Variants in DCHS2 observed in about 807,000 individuals in gnomAD.
The protein encoded by DCHS2 is protocadherin-23.
DCHS2 carries 142 observed loss-of-function variants against 182.4 expected under a neutral mutation model. That is an observed-to-expected ratio of 0.78 (90% CI 0.68 to 0.89). The LOEUF (loss-of-function observed/expected upper bound fraction) is 0.89. DCHS2 is among the 40% of genes least tolerant of loss of function. The pLI is 0.00. For missense variants in DCHS2, 4,319 were observed against 4,198.6 expected, an observed-to-expected ratio of 1.03 and a Z score of -0.79; for synonymous variants, 1,740 against 1,663.3, an observed-to-expected ratio of 1.05 and a Z score of -1.12.
chr4:154,430,152 A>G (rs1733498844), intron 1 of DCHS2, among the ~76,000 whole-genome samples: 1 of 152,214 alleles, frequency 6.6e-6, no homozygotes. Context: ...ATATTCCATA[A>G]GTAGAAAAGA....
intron 3 of DCHS2, among the ~76,000 whole-genome samples, chr4:154,359,371 A>G (rs1263446375): frequency 2.6e-5 from 4 of 152,032 alleles, no homozygotes; most frequent in Non-Finnish European, 5.9e-5. Context: ...ACTAAGCAAT[A>G]CTGACTTTCA....
chr4:154,244,555 T>C (rs1240293249), intron 16 of DCHS2, among the ~76,000 whole-genome samples: 1 of 152,224 alleles, frequency 6.6e-6, no homozygotes, highest in African/African-American at 2.4e-5. Flanking sequence ...TCAAAGTTGA[T>C]ACACTTTCAC....
intron 13 of DCHS2, among the ~76,000 whole-genome samples, chr4:154,279,251 A>T (rs968738927): frequency 1.4e-5 from 2 of 146,030 alleles, no homozygotes; most frequent in Non-Finnish European, 2.9e-5. Flanking sequence ...AAAAGGAAAT[A>T]AAAAAATCAA....
chr4:154,485,638 G>T (rs1264885483), intron 1 of DCHS2, among the ~76,000 whole-genome samples: 1 of 152,244 alleles, frequency 6.6e-6, no homozygotes, highest in African/African-American at 2.4e-5. Flanking sequence ...ATAAGTATTT[G>T]TTGGTTAGAT....
At chr4:154,343,033 G>T (rs1291148254) in intron 3 of DCHS2, among the ~76,000 whole-genome samples, 1 of 152,180 alleles carries the variant, frequency 6.6e-6, no homozygotes, top group Non-Finnish European at 1.5e-5. Context: ...AAACCTCCTT[G>T]TATATCTTCA....
At chr4:154,443,091 C>T (rs10010133) in intron 1 of DCHS2, among the ~76,000 whole-genome samples, 70,083 of 151,790 alleles carry the variant, frequency 0.46, 16,713 homozygotes, top group South Asian at 0.58. Context: ...CAACCACCAC[C>T]GCCTCATGCC....
chr4:154,242,911 C>T (rs934307522), intron 16 of DCHS2, 139 bp from the exon 17 acceptor site: 2 of 1,273,148 alleles, frequency 1.6e-6, no homozygotes, highest in Non-Finnish European at 2.1e-6. Context: ...TTCTAAATGG[C>T]ATCATTTAAA....
At chr4:154,409,425 C>T (rs1327051569) in intron 1 of DCHS2, among the ~76,000 whole-genome samples, 1 of 152,112 alleles carries the variant, frequency 6.6e-6, no homozygotes, top group Admixed American at 6.5e-5. Flanking sequence ...GTGATTGTAC[C>T]CTGTTCACCG....
At chr4:154,406,059 G>A (rs1732387481) in intron 1 of DCHS2, among the ~76,000 whole-genome samples, 1 of 152,222 alleles carries the variant, frequency 6.6e-6, no homozygotes, top group South Asian at 2.1e-4. Context: ...CTCTGTCATG[G>A]AAAACCAATT....
intron 14 of DCHS2, among the ~76,000 whole-genome samples, chr4:154,263,826 A>G (rs2111184100): frequency 6.6e-6 from 1 of 152,304 alleles, no homozygotes; most frequent in South Asian, 2.1e-4. Context: ...ATGCAGCATC[A>G]AAGTCACCCA....
intron 1 of DCHS2, chr4:154,391,101 T>A: frequency 7.1e-7 from 1 of 1,413,598 alleles, no homozygotes; most frequent in South Asian, 1.3e-5. Context: ...GAATCTCATA[T>A]GTAATTTAGC....
At chr4:154,414,192 T>TAG (rs572717243) in intron 1 of DCHS2, among the ~76,000 whole-genome samples, 1,392 of 138,806 alleles carry the variant, frequency 0.01, 17 homozygotes, top group South Asian at 0.034. Flanking sequence ...TATATATATA[T>TAG]ATATAGAGAG....
intron 16 of DCHS2, among the ~76,000 whole-genome samples, chr4:154,243,587 C>T (rs1262888469): frequency 6.6e-6 from 1 of 152,152 alleles, no homozygotes; most frequent in East Asian, 1.9e-4. Context: ...GTAATCAGCA[C>T]ATTTTGCTTT....
chr4:154,353,157 T>C (rs1165510957), intron 3 of DCHS2, among the ~76,000 whole-genome samples: 1 of 152,120 alleles, frequency 6.6e-6, no homozygotes, highest in African/African-American at 2.4e-5. Context: ...GCCAAGAAGT[T>C]AGATTAAAAT....
intron 1 of DCHS2, among the ~76,000 whole-genome samples, chr4:154,452,236 C>T (rs141067453): frequency 2.1e-3 from 324 of 152,290 alleles, no homozygotes; most frequent in African/African-American, 7.6e-3. Flanking sequence ...TGTTTATTTA[C>T]ATCTTTAATA....
intron 1 of DCHS2, among the ~76,000 whole-genome samples, chr4:154,478,467 G>A (rs1369554788): frequency 6.6e-6 from 1 of 152,172 alleles, no homozygotes; most frequent in African/African-American, 2.4e-5. Context: ...CCTATATGGA[G>A]TGAGTTTCCC....
At chr4:154,396,236 T>C (rs976352206) in intron 1 of DCHS2, among the ~76,000 whole-genome samples, 1 of 122,836 alleles carries the variant, frequency 8.1e-6, no homozygotes, top group Non-Finnish European at 1.6e-5. Flanking sequence ...TCAATATATA[T>C]AGAAGAAAAG....
At chr4:154,359,485 GC>G (rs1357699909) in intron 3 of DCHS2, among the ~76,000 whole-genome samples, 32 of 151,856 alleles carry the variant, frequency 2.1e-4, no homozygotes, top group African/African-American at 3.1e-4. Flanking sequence ...GAAATAGTTA[GC>G]AACAAAAATA....
chr4:154,381,852 A>T lies in DCHS2; in HGVS notation c.2053-4408T>A, dbSNP rs139238184. 5.6e-4 allele frequency among the ~76,000 whole-genome samples: 85 copies of T among 152,314 alleles called. 1 individual carries two copies. The East Asian group carries it at 0.015, about 28-fold the overall frequency. On this transcript the variant is annotated intron_variant, in intron 1 of 19. Transcript: ENST00000357232. The stretch of plus-strand genomic sequence containing the variant: ...AAGAATCAATATTGTTAAAATGGCC[A>T]GACTGTCTAAAGCAATCTATAGATT...
Sources: allele counts gnomAD v4.1 joint callset (sites outside exome capture counted in the v4.1 genomes callset), GRCh38; gene constraint gnomAD v4.1.1; transcripts MANE v1.5; gene names NCBI Gene and HGNC (gene_info 2026-07-23, HGNC 2026-07-21).